Variants in DESI2 observed in about 807,000 individuals in gnomAD.
The protein encoded by DESI2 is desumoylating isopeptidase 2.
DESI2 carries 10 observed loss-of-function variants against 24.1 expected under a neutral mutation model. The observed-to-expected ratio is 0.41, with a 90% CI of 0.26 to 0.70. DESI2 has a LOEUF of 0.70. DESI2 is among the 30% of genes least tolerant of loss of function. The pLI is 0.29. For missense variants in DESI2, 122 were observed against 234.9 expected (o/e 0.52, Z 3.14); for synonymous variants, 71 against 87.7 (o/e 0.81, Z 1.06).
intron 1 of DESI2, among the ~76,000 whole-genome samples, chr1:244,659,370 C>T (rs961834605): frequency 3.9e-5 from 6 of 152,140 alleles, no homozygotes; most frequent in Non-Finnish European, 1.5e-5. Flanking sequence ...AGCCCAGTTC[C>T]TCTGCTATAG....
At chr1:244,694,379 A>ATT in intron 4 of DESI2, 10 of 553,502 alleles carry the variant, frequency 1.8e-5, no homozygotes, top group East Asian at 4.0e-5. Flanking sequence ...TATTCATAAA[A>ATT]TTTTTTTTTT....
chr1:244,694,466 G>C, intron 4 of DESI2: 1 of 783,628 alleles, frequency 1.3e-6, no homozygotes, highest in Non-Finnish European at 2.3e-6. Context: ...CTGCCCTCTT[G>C]GGTTTAGGTG....
rs112466355 is a variant in DESI2 at position 244,657,346 on chromosome 1, A to G, written c.42+3991A>G. Among the ~76,000 whole-genome samples the G allele has an allele frequency of 5.4e-3, 822 of 152,278 alleles. 7 individuals are homozygous for G. Among genetic ancestry groups the G allele is most frequent in the Non-Finnish European group, 9.7e-3 (662 of 68,014 alleles). ...AATGGTTCCTTCGTATCTCAAATCA[A>G]CATGTCCAGGAACAAACTTCTTCCC... On this transcript the variant is annotated intron_variant, in intron 1 of 4. Coordinates refer to ENST00000302550, the MANE Select transcript of DESI2 (RefSeq NM_016076.5).
chr1:244,667,947 TA>T (rs1362616076), intron 1 of DESI2, among the ~76,000 whole-genome samples: 1 of 152,248 alleles, frequency 6.6e-6, no homozygotes, highest in Non-Finnish European at 1.5e-5. Flanking sequence ...ATCCCTGACA[TA>T]ATTTACGTAT....
At chr1:244,674,104 C>A (rs1005087075) in intron 1 of DESI2, among the ~76,000 whole-genome samples, 3 of 149,008 alleles carry the variant, frequency 2.0e-5, no homozygotes, top group African/African-American at 7.4e-5. Context: ...AAGTAATTCT[C>A]CTGCCTCAGC....
Position 244,705,937 on chromosome 1 carries a change from ATC to A in DESI2, c.*149_*150del. Reference sequence around the variant, plus strand: ...TTTTCAGCTCAGGATTATATTTGTAATCAAAAAAAAAAAATCACTTGGCGCAG... The same window carrying A: ...TTTTCAGCTCAGGATTATATTTGTAAAAAAAAAAAAAATCACTTGGCGCAG... On this transcript the variant is annotated 3_prime_UTR_variant, in exon 5 of 5. Transcript: ENST00000302550. 4.7e-6 allele frequency: 3 copies of A among 638,662 alleles called. No homozygotes were observed. Among genetic ancestry groups the A allele is most frequent in the Non-Finnish European group, 5.3e-6 (2 of 375,824 alleles). The allele number at this position is 638,662 out of a possible 1,614,324, so 39.6% of individuals were successfully genotyped here. A position where few individuals can be genotyped will look rare whatever the true frequency, so the allele number is the denominator to read the frequency against.
chr1:244,683,980 C>T (rs1469768314), intron 1 of DESI2, among the ~76,000 whole-genome samples: 4 of 151,918 alleles, frequency 2.6e-5, no homozygotes, highest in Non-Finnish European at 5.9e-5. Flanking sequence ...ACTGGAATTA[C>T]AGGTGTGAGC....
At chr1:244,671,258 T>A (rs1302414081) in intron 1 of DESI2, among the ~76,000 whole-genome samples, 3 of 152,186 alleles carry the variant, frequency 2.0e-5, no homozygotes, top group Non-Finnish European at 4.4e-5. Flanking sequence ...CGAGGGATGA[T>A]CTAGTTGTCA....
intron 1 of DESI2, among the ~76,000 whole-genome samples, chr1:244,668,508 T>TC: frequency 1.3e-5 from 2 of 152,350 alleles, no homozygotes; most frequent in South Asian, 4.1e-4. Context: ...TTCAATTCAC[T>TC]CAACCTCTAA....
intron 4 of DESI2, chr1:244,694,595 G>A: frequency 2.4e-6 from 2 of 846,076 alleles, no homozygotes; most frequent in East Asian, 2.4e-5. Context: ...ACTTTCTCTT[G>A]CGCTTGGCGG....
chr1:244,703,064 C>T lies in DESI2; in HGVS notation c.352-2492C>T, dbSNP rs182256560. 5.9e-3 allele frequency among the ~76,000 whole-genome samples: 860 copies of T among 144,728 alleles called. 9 individuals carry two copies. Among genetic ancestry groups the T allele is most frequent in the Middle Eastern group, 0.03 (8 of 270 alleles). 94.9% of individuals were successfully genotyped at this position (144,728 alleles called of 152,430 possible). ...TCACCCAGGCTGGAGTGCAGTGGCA[C>T]GATCTCAGCTCACTGCCACCTCTGC... On this transcript the variant is annotated intron_variant, in intron 4 of 4. Transcript: ENST00000302550.
chr1:244,704,665 TTG>T (rs10686967), intron 4 of DESI2, among the ~76,000 whole-genome samples: 17 of 151,496 alleles, frequency 1.1e-4, no homozygotes, highest in Admixed American at 6.6e-4. Context: ...GGAAAACACT[TTG>T]TGTGTGTGTG....
intron 3 of DESI2, among the ~76,000 whole-genome samples, chr1:244,690,958 T>C (rs1677004708): frequency 1.3e-5 from 2 of 152,254 alleles, no homozygotes; most frequent in South Asian, 4.1e-4. Flanking sequence ...GGGCTCTCTT[T>C]TGGCAAGACT....
At chr1:244,702,611 T>C (rs1280709926) in intron 4 of DESI2, among the ~76,000 whole-genome samples, 1 of 152,228 alleles carries the variant, frequency 6.6e-6, no homozygotes, top group Non-Finnish European at 1.5e-5. Flanking sequence ...TTGTGGACTA[T>C]TCATAGTCCC....
intron 1 of DESI2, among the ~76,000 whole-genome samples, chr1:244,670,837 C>T (rs1676219906): frequency 2.0e-5 from 3 of 152,178 alleles, no homozygotes; most frequent in South Asian, 2.1e-4. Context: ...GTCTAATTGC[C>T]GCCTTCACTA....
Position 244,689,592 on chromosome 1 carries a change from G to A in DESI2, c.209+250G>A, listed in dbSNP as rs1005738947. 4.0e-5 allele frequency among the ~76,000 whole-genome samples: 6 copies of A among 151,736 alleles called. No individual in the cohort carries two copies. Among genetic ancestry groups the A allele is most frequent in the South Asian group, 2.1e-4 (1 of 4,812 alleles). The stretch of plus-strand genomic sequence containing the variant: ...TGGCGTGATCTCAGCTCACTGCAGC[G>A]TCCGCCTTCTAGGTTCAAGCGATTC... On this transcript the variant is annotated intron_variant, in intron 3 of 4. Coordinates refer to ENST00000302550, the MANE Select transcript of DESI2 (RefSeq NM_016076.5). This position sits in a 1 kb window ranked among gnomAD's most constrained non-coding sequence, Gnocchi z 4.0.
Position 244,681,164 on chromosome 1 carries a change from A to G in DESI2, c.43-5433A>G, listed in dbSNP as rs186854682. On this transcript the variant is annotated intron_variant, in intron 1 of 4. Transcript: ENST00000302550. The stretch of plus-strand genomic sequence containing the variant: ...ACATTTTTGCCCTAACTTTGAATCA[A>G]CCATTTCTCCAGAGTCCTGATTCCT... 2.0e-3 allele frequency among the ~76,000 whole-genome samples: 297 copies of G among 152,232 alleles called. 1 individual carries two copies. Among genetic ancestry groups the G allele is most frequent in the Middle Eastern group, 0.01 (3 of 294 alleles).
At chr1:244,696,624 C>A (rs906232115) in intron 4 of DESI2, among the ~76,000 whole-genome samples, 2 of 151,992 alleles carry the variant, frequency 1.3e-5, no homozygotes, top group East Asian at 3.9e-4. Flanking sequence ...ATGCTTTCTT[C>A]CCCCCTTTAC....
At chr1:244,685,029 A>C (rs538911669) in intron 1 of DESI2, among the ~76,000 whole-genome samples, 6 of 152,326 alleles carry the variant, frequency 3.9e-5, no homozygotes, top group African/African-American at 1.4e-4. Context: ...AGGAACTCAA[A>C]AAATTCCGAT....
Sources: gnomAD v4.1 joint callset for allele counts (sites outside exome capture counted in the v4.1 genomes callset) on GRCh38, gnomAD v4.1.1 for gene constraint, Gnocchi (gnomAD v3.1) non-coding constraint, MANE v1.5 for transcripts, NCBI Gene and HGNC (gene_info 2026-07-23, HGNC 2026-07-21) for gene names.